Variants in CDYL2 observed in about 807,000 individuals in gnomAD.
CDYL2 encodes chromodomain Y-like protein 2.
Under a neutral mutation model 49.4 loss-of-function variants are expected in CDYL2, and 23 were observed. The observed-to-expected ratio is 0.47, with a 90% CI of 0.34 to 0.66. The LOEUF (loss-of-function observed/expected upper bound fraction) is 0.66. CDYL2 is among the 30% of genes least tolerant of loss of function. The probability of loss-of-function intolerance (pLI) is 0.01; values close to 1 mark genes in which losing one functional copy is unlikely to be tolerated. For missense variants in CDYL2, 678 were observed against 656.4 expected (o/e 1.03, Z -0.36); for synonymous variants, 360 against 268.8 (o/e 1.34, Z -3.32).
At chr16:80,700,694 A>G (rs1042362787) in intron 1 of CDYL2, among the ~76,000 whole-genome samples, 1 of 152,254 alleles carries the variant, frequency 6.6e-6, no homozygotes, top group Non-Finnish European at 1.5e-5. Flanking sequence ...TGTTCTTAGC[A>G]TATGTAAATG....
intron 1 of CDYL2, among the ~76,000 whole-genome samples, chr16:80,763,173 A>G (rs914278041): frequency 5.0e-5 from 4 of 79,760 alleles, no homozygotes; most frequent in African/African-American, 1.9e-4. Context: ...TCCCACCAGA[A>G]GCAACGATTC....
Position 80,679,273 on chromosome 16 carries a change from T to A in CDYL2, c.616+5265A>T, listed in dbSNP as rs2316149. ...AACTTAAAGTATAATAATAAAAATA[T>A]ATAAATAAATAAATAAATAAACAAA... is the stretch of plus-strand genomic sequence containing the variant. On this transcript the variant is annotated intron_variant, in intron 2 of 6. Coordinates refer to ENST00000570137, the MANE Select transcript of CDYL2 (RefSeq NM_152342.4). Among the ~76,000 whole-genome samples, 736 of 112,618 alleles carry A rather than the reference T, an allele frequency of 6.5e-3. 3 individuals are homozygous for A. The highest frequency in any genetic ancestry group is 0.02 in the African/African-American group (640 of 31,476). The allele number at this position is 112,618 out of a possible 152,430, so 73.9% of individuals were successfully genotyped here.
At chr16:80,687,712 G>C (rs1040596528) in intron 1 of CDYL2, among the ~76,000 whole-genome samples, 2 of 152,148 alleles carry the variant, frequency 1.3e-5, no homozygotes, top group Non-Finnish European at 2.9e-5. Context: ...GTAACAAAAC[G>C]ATCTGTTTTA....
chr16:80,750,977 A>G (rs1218204237), intron 1 of CDYL2, among the ~76,000 whole-genome samples: 2 of 152,020 alleles, frequency 1.3e-5, no homozygotes, highest in Non-Finnish European at 2.9e-5. Flanking sequence ...CCAAGATCGC[A>G]CCACTGCACT....
chr16:80,754,937 G>C (rs1906258145), intron 1 of CDYL2, among the ~76,000 whole-genome samples: 1 of 152,080 alleles, frequency 6.6e-6, no homozygotes, highest in South Asian at 2.1e-4. Flanking sequence ...TGATTTACGA[G>C]GGGAAATATC....
chr16:80,651,447 G>A (rs1908578559), intron 2 of CDYL2, among the ~76,000 whole-genome samples: 1 of 152,140 alleles, frequency 6.6e-6, no homozygotes, highest in Admixed American at 6.5e-5. Context: ...GGAATAAGGG[G>A]AAGGTCAAAT....
chr16:80,685,057 C>G lies in CDYL2; in HGVS notation c.97G>C (p.Gly33Arg). Residue 33 changes from glycine to arginine, a missense_variant, in exon 2 of 7, where the codon GGG (glycine) becomes CGG (arginine). Physicochemically the swap from Gly to Arg is moderately radical, Grantham distance 125. Coordinates refer to ENST00000570137, the MANE Select transcript of CDYL2 (RefSeq NM_152342.4). ...GGCTCCCACGTGTCCTCGGTGCTCC[C>G]GTAGCCTTTCCATCGGATAAGATAC... ...WEYLIRWKGY[G>R]STEDTWEPEH... 6 of 1,614,168 alleles carry G rather than the reference C, an allele frequency of 3.7e-6. No individual in the cohort carries two copies. The highest frequency in any genetic ancestry group is 5.1e-6 in the Non-Finnish European group (6 of 1,180,040).
chr16:80,711,265 C>G (rs1197477524), intron 1 of CDYL2, among the ~76,000 whole-genome samples: 1 of 152,180 alleles, frequency 6.6e-6, no homozygotes, highest in Non-Finnish European at 1.5e-5. Flanking sequence ...TTCACGTTAA[C>G]AAAATCAACC....
At chr16:80,747,345 C>G (rs1320755620) in intron 1 of CDYL2, among the ~76,000 whole-genome samples, 1 of 151,892 alleles carries the variant, frequency 6.6e-6, no homozygotes, top group Non-Finnish European at 1.5e-5. Flanking sequence ...TTTAACCTCT[C>G]CAAGCCTCAG....
At chr16:80,717,537 G>C (rs1453497881) in intron 1 of CDYL2, among the ~76,000 whole-genome samples, 3 of 152,134 alleles carry the variant, frequency 2.0e-5, no homozygotes, top group African/African-American at 7.2e-5. Context: ...TTTCACTAGG[G>C]TGAAGACTGC....
At chr16:80,686,615 T>C (rs1910205626) in intron 1 of CDYL2, among the ~76,000 whole-genome samples, 1 of 152,226 alleles carries the variant, frequency 6.6e-6, no homozygotes, top group Non-Finnish European at 1.5e-5. Flanking sequence ...TGGATGTTTA[T>C]GTTTACGTGT....
At chr16:80,707,182 G>C (rs1291163742) in intron 1 of CDYL2, among the ~76,000 whole-genome samples, 1 of 152,176 alleles carries the variant, frequency 6.6e-6, no homozygotes, top group Non-Finnish European at 1.5e-5. Context: ...ATAAGTGAGA[G>C]CTGGGCACAG....
chr16:80,651,937 G>A (rs577554006), intron 2 of CDYL2, among the ~76,000 whole-genome samples: 1 of 152,184 alleles, frequency 6.6e-6, no homozygotes, highest in Non-Finnish European at 1.5e-5. Context: ...TTACAGATAA[G>A]CAAAAGGAGA....
intron 1 of CDYL2, among the ~76,000 whole-genome samples, chr16:80,782,426 C>G (rs540258132): frequency 1.3e-5 from 2 of 148,716 alleles, no homozygotes; most frequent in Non-Finnish European, 3.0e-5. Context: ...GAATTAGCAC[C>G]AATTCTTCTT....
intron 1 of CDYL2, among the ~76,000 whole-genome samples, chr16:80,767,676 C>T (rs1469717201): frequency 1.1e-4 from 17 of 152,140 alleles, no homozygotes; most frequent in African/African-American, 1.9e-4. Flanking sequence ...AGGCTATGCA[C>T]GCTATAAAAG....
At chr16:80,781,453 T>A (rs1171353960) in intron 1 of CDYL2, among the ~76,000 whole-genome samples, 1 of 152,010 alleles carries the variant, frequency 6.6e-6, no homozygotes, top group Non-Finnish European at 1.5e-5. Flanking sequence ...GACTTCAATA[T>A]CCCATATTTA....
chr16:80,612,642 A>T lies in CDYL2; in HGVS notation c.1202T>A (p.Ile401Asn), dbSNP rs1342986136. ...AGCSSYTFPQ[I>N]LGVALANEML... ...GAGGCTTACCAGCGCGACGCCCAGG[A>T]TCTGGGGGAAGGTGTAGGAGGAGCA... The change falls in exon 5 of 7, where the codon ATC (isoleucine) becomes AAC (asparagine). Residue 401 changes from isoleucine (I) to asparagine (N), a missense_variant. Transcript: ENST00000570137. This position sits in a 1 kb window ranked among gnomAD's most constrained non-coding sequence, Gnocchi z 5.0. The T allele has an allele frequency of 1.2e-6, 2 of 1,609,794 alleles. No homozygotes were observed. Among genetic ancestry groups the T allele is most frequent in the Non-Finnish European group, 1.7e-6 (2 of 1,178,262 alleles).
chr16:80,708,250 GGTCA>G (rs1181592930), intron 1 of CDYL2, among the ~76,000 whole-genome samples: 2 of 152,176 alleles, frequency 1.3e-5, no homozygotes, highest in East Asian at 3.8e-4. Context: ...CACGTGTCAA[GGTCA>G]GGGCCAGGTG....
At chr16:80,734,264 AAGG>A (rs1329274900) in intron 1 of CDYL2, among the ~76,000 whole-genome samples, 1 of 152,182 alleles carries the variant, frequency 6.6e-6, no homozygotes, top group Non-Finnish European at 1.5e-5. Context: ...GGGGAAAGGC[AAGG>A]AGATTTCAAG....
Sources: allele counts gnomAD v4.1 joint callset (sites outside exome capture counted in the v4.1 genomes callset), GRCh38; gene constraint gnomAD v4.1.1; non-coding constraint Gnocchi (gnomAD v3.1); transcripts MANE v1.5; gene names NCBI Gene and HGNC (gene_info 2026-07-23, HGNC 2026-07-21).